The following DYNAP variants were observed in gnomAD, a reference collection of about 807,000 sequenced individuals.
The protein encoded by DYNAP is dynactin-associated protein.
Under a neutral mutation model 8.5 loss-of-function variants are expected in DYNAP, and 7 were observed. The observed-to-expected ratio is 0.82, with a 90% confidence interval of 0.47 to 1.54. DYNAP has a LOEUF of 1.54. Ranked by LOEUF, DYNAP falls within the 40% of genes most tolerant of loss-of-function variation. The pLI is 0.01. For missense variants in DYNAP, 256 were observed against 224.3 expected (o/e 1.14, Z -0.90); for synonymous variants, 77 against 77.9 (o/e 0.99, Z 0.06).
intron 2 of DYNAP, among the ~76,000 whole-genome samples, chr18:54,595,633 G>A (rs752142720): frequency 7.2e-5 from 11 of 152,072 alleles, no homozygotes; most frequent in Non-Finnish European, 1.2e-4. Flanking sequence ...GTTCTCTGGA[G>A]CATCTCCACT....
chr18:54,598,136 T>C lies in DYNAP; in HGVS notation c.546T>C (p.Asp182=), dbSNP rs1337987850. 3 of 1,606,916 alleles carry C rather than the reference T, an allele frequency of 1.9e-6. No individual in the cohort carries two copies. Among genetic ancestry groups the C allele is most frequent in the Non-Finnish European group, 1.7e-6 (2 of 1,175,810 alleles). The change falls in exon 3 of 3, where the codon GAT becomes GAC. Residue 182 remains aspartate (D), a synonymous_variant. Transcript: ENST00000648945. The stretch of plus-strand genomic sequence containing the variant: ...AACCTATAACTGTTGCACCTACCGA[T>C]CATTTATAATTTGAACAGCCATAGC... ...STEPITVAPT[D]HL is the part of the protein sequence containing the mutation.
chr18:54,589,324 A>G (rs1328738942), upstream of DYNAP, among the ~76,000 whole-genome samples: 1 of 152,072 alleles, frequency 6.6e-6, no homozygotes, highest in Non-Finnish European at 1.5e-5. Flanking sequence ...CAGAACAAAG[A>G]TCCTTTATTG....
At chr18:54,591,004 G>A (rs549822086), upstream of DYNAP, among the ~76,000 whole-genome samples, 5 of 152,130 alleles carry the variant, frequency 3.3e-5, no homozygotes, top group African/African-American at 7.2e-5. Flanking sequence ...GAGGAGAGAC[G>A]GAACAATAAT....
Position 54,597,792 on chromosome 18 carries a change from TA to T in DYNAP, c.223-20del. ...AAGCATTTTTGTTTTTCATTGCTGA[TA>T]TTTTTATATACATGCTTAGGTAAAA... On this transcript the variant is annotated intron_variant, in intron 2 of 2. Coordinates refer to ENST00000648945, the MANE Select transcript of DYNAP (RefSeq NM_173629.3). The T allele has an allele frequency of 6.4e-7, 1 of 1,571,976 alleles. No homozygotes were observed.
rs771041860 is a variant in DYNAP at position 54,597,801 on chromosome 18, A to G, written c.223-12A>G. 2 of 1,582,876 alleles carry G rather than the reference A, an allele frequency of 1.3e-6. No individual in the cohort carries two copies. The highest frequency in any genetic ancestry group is 1.2e-5 in the South Asian group (1 of 86,832). On this transcript the variant is annotated splice_polypyrimidine_tract_variant and intron_variant, in intron 2 of 2. Transcript: ENST00000648945. The stretch of plus-strand genomic sequence containing the variant: ...TGTTTTTCATTGCTGATATTTTTAT[A>G]TACATGCTTAGGTAAAAGAATATTG...
chr18:54,591,154 C>T, upstream of DYNAP: 1 of 1,570,322 alleles, frequency 6.4e-7, no homozygotes, highest in Non-Finnish European at 8.6e-7. Flanking sequence ...GTTTAATCCA[C>T]ACTTGTACTG....
At chr18:54,590,254 ATT>A (rs1911017895), upstream of DYNAP, among the ~76,000 whole-genome samples, 1 of 152,134 alleles carries the variant, frequency 6.6e-6, no homozygotes, top group South Asian at 2.1e-4. Flanking sequence ...TATAAGTGAA[ATT>A]TACAGTATTT....
chr18:54,579,547 T>C, the DYNAP span, among the ~76,000 whole-genome samples: 1 of 152,210 alleles, frequency 6.6e-6, no homozygotes, highest in Non-Finnish European at 1.5e-5. Context: ...GATATGTAGT[T>C]TGAAATGGAC....
chr18:54,593,770 A>C (rs1911176123), intron 1 of DYNAP, among the ~76,000 whole-genome samples: 1 of 152,052 alleles, frequency 6.6e-6, no homozygotes, highest in South Asian at 2.1e-4. Flanking sequence ...ATGAAAAATA[A>C]CATCAAAAAT....
At chr18:54,576,696 G>A in the DYNAP span, among the ~76,000 whole-genome samples, 13 of 151,966 alleles carry the variant, frequency 8.6e-5, no homozygotes, top group Non-Finnish European at 1.8e-4. Context: ...TCAGCTATTC[G>A]GGAGGCTGAG....
upstream of DYNAP, among the ~76,000 whole-genome samples, chr18:54,589,266 T>C (rs1053817824): frequency 3.9e-5 from 6 of 152,186 alleles, no homozygotes; most frequent in Non-Finnish European, 7.4e-5. Flanking sequence ...CTCAAACACA[T>C]GTCAGCCAAC....
chr18:54,590,624 A>C (rs912283410), upstream of DYNAP, among the ~76,000 whole-genome samples: 20 of 152,212 alleles, frequency 1.3e-4, no homozygotes, highest in African/African-American at 4.8e-4. Flanking sequence ...TGAATAAACC[A>C]ATACAAGAAT....
upstream of DYNAP, among the ~76,000 whole-genome samples, chr18:54,584,416 C>T (rs1392223999): frequency 6.6e-6 from 1 of 151,312 alleles, no homozygotes; most frequent in Non-Finnish European, 1.5e-5. Flanking sequence ...ATTATTAGGA[C>T]AATAGGTTAA....
chr18:54,585,320 T>C (rs1408479416), upstream of DYNAP, among the ~76,000 whole-genome samples: 1 of 152,218 alleles, frequency 6.6e-6, no homozygotes, highest in Non-Finnish European at 1.5e-5. Context: ...CAAAGACTAT[T>C]GTATTGTTCA....
chr18:54,586,753 T>C (rs1314949652), upstream of DYNAP, among the ~76,000 whole-genome samples: 1 of 152,186 alleles, frequency 6.6e-6, no homozygotes, highest in Non-Finnish European at 1.5e-5. Context: ...AAAGCATACA[T>C]GTGTCATCAG....
upstream of DYNAP, among the ~76,000 whole-genome samples, chr18:54,587,333 C>T (rs1034435933): frequency 4.6e-5 from 7 of 152,220 alleles, no homozygotes; most frequent in East Asian, 1.9e-4. Flanking sequence ...GGGAGGGTTG[C>T]TTGAGCCCAG....
chr18:54,578,130 T>C, the DYNAP span, among the ~76,000 whole-genome samples: 1 of 152,132 alleles, frequency 6.6e-6, no homozygotes, highest in East Asian at 1.9e-4. Context: ...GGGAGAATGG[T>C]CATCCTAGGC....
At chr18:54,591,044 A>G, upstream of DYNAP, 1 of 591,556 alleles carries the variant, frequency 1.7e-6, no homozygotes, top group Admixed American at 3.7e-5. Context: ...TAGTCACAAA[A>G]GCTTTCAGAG....
At position 54,591,315 on chromosome 18, in the gene DYNAP, C is replaced by T. The variant is rs576849928; in HGVS notation, c.33C>T (p.Asn11=). The T allele has an allele frequency of 3.4e-5, 55 of 1,609,812 alleles. No homozygotes were observed. Among genetic ancestry groups the T allele is most frequent in the Middle Eastern group, 1.7e-4 (1 of 6,034 alleles). ...GAAAGCATGGAAAATACATATTGAA[C>T]GTTGAGCACTCTGAAAACCAGCCGG... is the stretch of plus-strand genomic sequence containing the variant. MDRKHGKYIL[N]VEHSENQPPI... is the part of the protein sequence containing the mutation. Residue 11 remains asparagine, a synonymous_variant, in exon 1 of 3, where the codon AAC becomes AAT. Coordinates refer to ENST00000648945, the MANE Select transcript of DYNAP (RefSeq NM_173629.3).
Sources: gnomAD v4.1 joint callset for allele counts (sites outside exome capture counted in the v4.1 genomes callset) on GRCh38, gnomAD v4.1.1 for gene constraint, MANE v1.5 for transcripts, NCBI Gene and HGNC (gene_info 2026-07-23, HGNC 2026-07-21) for gene names.